Variants in HSPA12A observed in about 807,000 individuals in gnomAD.
The protein encoded by HSPA12A is heat shock protein family A (Hsp70) member 12A, also known as heat shock 70 kDa protein 12A.
In HSPA12A, 28 loss-of-function variants were observed where a neutral mutation model predicts 69.2. The ratio of observed to expected loss-of-function variants is 0.40; its 90% CI spans 0.30 to 0.55. The LOEUF is 0.55. HSPA12A is among the 20% of genes least tolerant of loss of function. HSPA12A has a pLI of 0.38. For synonymous variants in HSPA12A, 345 were observed against 370.5 expected, an observed-to-expected ratio of 0.93 and a Z score of 0.79; for missense variants, 686 against 900.7, an observed-to-expected ratio of 0.76 and a Z score of 3.05.
At chr10:116,739,088 C>T (rs1851399737) in intron 1 of HSPA12A, among the ~76,000 whole-genome samples, 1 of 152,198 alleles carries the variant, frequency 6.6e-6, no homozygotes, top group Admixed American at 6.5e-5. Flanking sequence ...CAGCCACTCT[C>T]TATTAGCCGC....
chr10:116,674,536 A>C lies in HSPA12A; in HGVS notation c.*245T>G. ...ATTTCACCACTTTTGTACCTATGAA[A>C]ACTAGCTGCTCCTCCAGGATCCTTT... On this transcript the variant is annotated 3_prime_UTR_variant, in exon 12 of 12. Coordinates refer to ENST00000369209, the MANE Select transcript of HSPA12A (RefSeq NM_025015.3). 1.8e-6 allele frequency: 1 copy of C among 541,856 alleles called. No individual in the cohort carries two copies. Among genetic ancestry groups the C allele is most frequent in the South Asian group, 2.3e-5 (1 of 43,354 alleles). The allele number at this position is 541,856 out of a possible 1,614,324, so 33.6% of individuals were successfully genotyped here.
At chr10:116,759,457 T>A (rs961613009) in intron 2 of HSPA12A, among the ~76,000 whole-genome samples, 12 of 152,340 alleles carry the variant, frequency 7.9e-5, no homozygotes, top group African/African-American at 2.9e-4. Flanking sequence ...CTAGATCTCA[T>A]GACCACTCTG....
chr10:116,685,252 C>G (rs12777585), intron 6 of HSPA12A, among the ~76,000 whole-genome samples: 35,116 of 151,956 alleles, frequency 0.23, 4,445 homozygotes, highest in Middle Eastern at 0.35. Context: ...CAAATAACTT[C>G]TCATCAGGCG....
intron 2 of HSPA12A, among the ~76,000 whole-genome samples, chr10:116,756,483 C>T (rs1554888795): frequency 6.6e-6 from 1 of 152,212 alleles, no homozygotes; most frequent in Non-Finnish European, 1.5e-5. Flanking sequence ...TTCTGAGGCC[C>T]CAAGAGTGAG....
At chr10:116,687,907 C>G (rs1554879720) in intron 6 of HSPA12A, among the ~76,000 whole-genome samples, 1 of 152,248 alleles carries the variant, frequency 6.6e-6, no homozygotes, top group Non-Finnish European at 1.5e-5. Flanking sequence ...CCATGGCCCA[C>G]AGGCCACATT....
At chr10:116,793,730 G>A (rs756533834) in intron 2 of HSPA12A, among the ~76,000 whole-genome samples, 42 of 151,850 alleles carry the variant, frequency 2.8e-4, no homozygotes, top group Non-Finnish European at 5.7e-4. Flanking sequence ...ATAATTTCTA[G>A]GACAATCACT....
intron 2 of HSPA12A, chr10:116,832,986 G>A (rs541629782): frequency 2.2e-4 from 34 of 152,288 alleles, no homozygotes; most frequent in Non-Finnish European, 4.7e-4. Context: ...ACAAGGAAAG[G>A]AAGCTGAAAA....
rs1002034546 is a variant in HSPA12A, at chr10:116,681,983, C to T, written c.836-106G>A. The T allele has an allele frequency of 5.2e-6, 5 of 957,500 alleles. No individual in the cohort carries two copies. In the African/African-American group the frequency reaches 6.5e-5, roughly 12 times the overall value. The allele number at this position is 957,500 out of a possible 1,614,324, so 59.3% of individuals were successfully genotyped here. On this transcript the variant is annotated intron_variant, in intron 7 of 11. Transcript: ENST00000369209. ...AGCATGAGGAGATTTAGGGATGGAA[C>T]ATTAGTGACATTTGACCAAAATAAG...
intron 6 of HSPA12A, among the ~76,000 whole-genome samples, chr10:116,691,449 TTCCTGAGAG>T (rs1338902393): frequency 1.3e-5 from 2 of 152,150 alleles, no homozygotes; most frequent in Non-Finnish European, 2.9e-5. Context: ...GGCAGGATGC[TTCCTGAGAG>T]TCATGACAGT....
chr10:116,791,736 A>C (rs1201894335), intron 2 of HSPA12A, among the ~76,000 whole-genome samples: 1 of 152,028 alleles, frequency 6.6e-6, no homozygotes, highest in Non-Finnish European at 1.5e-5. Flanking sequence ...AAAGGTTGGC[A>C]TCTCCTATTC....
At chr10:116,785,396 A>G (rs1349330513) in intron 2 of HSPA12A, among the ~76,000 whole-genome samples, 1 of 152,014 alleles carries the variant, frequency 6.6e-6, no homozygotes, top group Non-Finnish European at 1.5e-5. Flanking sequence ...GGGGACAGAG[A>G]TCAAGATGTG....
upstream of HSPA12A, chr10:116,849,832 A>C (rs1013510629): frequency 3.8e-6 from 5 of 1,331,936 alleles, no homozygotes; most frequent in Admixed American, 5.0e-5. Context: ...AGAATCTCGC[A>C]TGCCAGCCGC....
At position 116,674,710 on chromosome 10, in the gene HSPA12A, G is replaced by C; in HGVS notation, c.*71C>G. 1 of 1,471,996 alleles carries C rather than the reference G, an allele frequency of 6.8e-7. No individual in the cohort carries two copies. Among genetic ancestry groups the C allele is most frequent in the Non-Finnish European group, 9.2e-7 (1 of 1,081,950 alleles). The allele number at this position is 1,471,996 out of a possible 1,614,324, so 91.2% of individuals were successfully genotyped here. On this transcript the variant is annotated 3_prime_UTR_variant, in exon 12 of 12. Coordinates refer to ENST00000369209, the MANE Select transcript of HSPA12A (RefSeq NM_025015.3). ...ATGGTGAGGGTCAAGGTTAGGGAAA[G>C]AACAGTCAAGGTTGAGGTCAGCAGA...
intron 2 of HSPA12A, among the ~76,000 whole-genome samples, chr10:116,753,582 C>G (rs1208149385): frequency 6.6e-6 from 1 of 152,136 alleles, no homozygotes; most frequent in African/African-American, 2.4e-5. Context: ...CCCAACTTTG[C>G]TGCTTCTTAG....
intron 2 of HSPA12A, among the ~76,000 whole-genome samples, chr10:116,789,866 C>T (rs557939128): frequency 1.9e-4 from 29 of 152,182 alleles, no homozygotes; most frequent in South Asian, 6.2e-4. Flanking sequence ...TCAGGTTCAC[C>T]GGATGCCCAG....
At position 116,673,666 on chromosome 10, in the gene HSPA12A, C is replaced by A. The variant is rs1554877092; in HGVS notation, c.*1115G>T. On this transcript the variant is annotated 3_prime_UTR_variant, in exon 12 of 12. Transcript: ENST00000369209. ...GCCACAGGCCCGCTGTGAAAAAAAA[C>A]TGACTTAATACATCAAGTATAGATC... 3 of 152,080 alleles carry A rather than the reference C, an allele frequency of 2.0e-5. No individual in the cohort carries two copies. The highest frequency in any genetic ancestry group is 4.4e-5 in the Non-Finnish European group (3 of 68,036). 9.4% of individuals were successfully genotyped at this position (152,080 alleles called of 1,614,324 possible).
At chr10:116,700,429 T>C (rs1354593080) in intron 4 of HSPA12A, among the ~76,000 whole-genome samples, 1 of 152,132 alleles carries the variant, frequency 6.6e-6, no homozygotes, top group Non-Finnish European at 1.5e-5. Context: ...CCTCCAATTA[T>C]TGGGCACTTG....
intron 1 of HSPA12A, among the ~76,000 whole-genome samples, chr10:116,848,240 G>A (rs1325493567): frequency 6.6e-6 from 1 of 152,210 alleles, no homozygotes; most frequent in African/African-American, 2.4e-5. Context: ...AGGAGAGAAG[G>A]CAGGTTCATG....
chr10:116,705,322 C>A (rs1364255694), intron 2 of HSPA12A, 44 bp from the exon 3 acceptor site: 13 of 1,611,826 alleles, frequency 8.1e-6, no homozygotes, highest in Non-Finnish European at 1.0e-5. Flanking sequence ...AGGGGTGGGC[C>A]TGGCTTTCAG....
Sources: allele counts gnomAD v4.1 joint callset (sites outside exome capture counted in the v4.1 genomes callset), GRCh38; gene constraint gnomAD v4.1.1; transcripts MANE v1.5; gene names NCBI Gene and HGNC (gene_info 2026-07-23, HGNC 2026-07-21).